Variants in UST observed in about 807,000 individuals in gnomAD.
UST encodes the protein uronyl 2-sulfotransferase.
In UST, 21 loss-of-function variants were observed where a neutral mutation model predicts 45.6. That is an observed-to-expected ratio of 0.46 (90% confidence interval 0.33 to 0.66). The LOEUF (loss-of-function observed/expected upper bound fraction) is 0.66, where lower values mean the gene tolerates loss of function less well. UST is among the 30% of genes least tolerant of loss of function. The pLI, the probability that UST is intolerant of heterozygous loss-of-function variation, is 0.02. For missense variants in UST, 463 were observed against 512.4 expected, an observed-to-expected ratio of 0.90 and a Z score of 0.93; for synonymous variants, 215 against 200.6, an observed-to-expected ratio of 1.07 and a Z score of -0.61.
At chr6:149,045,033 CA>C (rs1776378576) in intron 7 of UST, among the ~76,000 whole-genome samples, 1 of 152,118 alleles carries the variant, frequency 6.6e-6, no homozygotes, top group Non-Finnish European at 1.5e-5. Context: ...TGATAAGTAC[CA>C]TTTTTTTTAT....
intron 1 of UST, among the ~76,000 whole-genome samples, chr6:148,860,728 G>A (rs574906126): frequency 1.3e-3 from 197 of 152,246 alleles, no homozygotes; most frequent in African/African-American, 4.5e-3. Flanking sequence ...TTTGTCGAAG[G>A]CCTTTTCTGC....
chr6:148,869,185 G>A (rs1447461642), intron 1 of UST, among the ~76,000 whole-genome samples: 1 of 152,172 alleles, frequency 6.6e-6, no homozygotes, highest in South Asian at 2.1e-4. Flanking sequence ...GCACCTATTT[G>A]TTTGGCTTTG....
intron 7 of UST, among the ~76,000 whole-genome samples, chr6:149,054,734 T>G (rs539525081): frequency 3.9e-4 from 60 of 152,168 alleles, no homozygotes; most frequent in Admixed American, 8.5e-4. Flanking sequence ...TTTACATTGT[T>G]CAGTGGGTCA....
chr6:149,007,055 G>T (rs1363393299), intron 5 of UST, among the ~76,000 whole-genome samples: 1 of 150,928 alleles, frequency 6.6e-6, no homozygotes, highest in Non-Finnish European at 1.5e-5. Context: ...CTAACTTCAT[G>T]CATTCAACTA....
chr6:148,959,847 C>CG (rs758168047), intron 4 of UST, among the ~76,000 whole-genome samples: 1 of 151,302 alleles, frequency 6.6e-6, no homozygotes, highest in Non-Finnish European at 1.5e-5. Context: ...GGATGGTGGG[C>CG]GGAGGGGAGT....
chr6:148,886,108 C>T (rs983171782), intron 1 of UST, among the ~76,000 whole-genome samples: 2 of 152,284 alleles, frequency 1.3e-5, no homozygotes, highest in African/African-American at 2.4e-5. Context: ...CACACAGAAG[C>T]CTGAGATGGC....
chr6:148,797,871 G>C (rs1186724575), intron 1 of UST, among the ~76,000 whole-genome samples: 1 of 152,146 alleles, frequency 6.6e-6, no homozygotes, highest in African/African-American at 2.4e-5. Context: ...GTGCTAGGAG[G>C]GTAGGAGTGG....
At chr6:148,921,429 G>A (rs889673075) in intron 2 of UST, among the ~76,000 whole-genome samples, 6 of 152,194 alleles carry the variant, frequency 3.9e-5, no homozygotes, top group Admixed American at 1.3e-4. Flanking sequence ...GTGATTTTGT[G>A]TGTTGTATAG....
chr6:148,949,253 T>G (rs1255708142), intron 3 of UST, among the ~76,000 whole-genome samples: 1 of 151,112 alleles, frequency 6.6e-6, no homozygotes, highest in African/African-American at 2.4e-5. Flanking sequence ...ATTGCGCCAC[T>G]GCACTCCAGC....
chr6:148,872,344 G>A (rs1006775922), intron 1 of UST, among the ~76,000 whole-genome samples: 1 of 152,146 alleles, frequency 6.6e-6, no homozygotes, highest in Non-Finnish European at 1.5e-5. Flanking sequence ...ATATTTTTAT[G>A]TAATTATTCA....
intron 1 of UST, among the ~76,000 whole-genome samples, chr6:148,884,646 A>G (rs1160729405): frequency 6.6e-6 from 1 of 150,956 alleles, no homozygotes; most frequent in Admixed American, 6.7e-5. Context: ...CGAGGAGCTG[A>G]CTCTTTTGTG....
chr6:148,989,067 A>G (rs1424558520), intron 5 of UST, among the ~76,000 whole-genome samples: 2 of 152,202 alleles, frequency 1.3e-5, no homozygotes. Flanking sequence ...ATGAGATAAT[A>G]GAGGTTCAAA....
intron 3 of UST, among the ~76,000 whole-genome samples, chr6:148,945,264 C>T (rs1012023701): frequency 6.6e-6 from 1 of 152,180 alleles, no homozygotes; most frequent in African/African-American, 2.4e-5. Flanking sequence ...CTAAGACAAT[C>T]AGATTGTAAC....
chr6:148,795,333 C>T (rs1485170816), intron 1 of UST, among the ~76,000 whole-genome samples: 2 of 152,106 alleles, frequency 1.3e-5, no homozygotes, highest in South Asian at 2.1e-4. Context: ...AGTGCCCTGA[C>T]GGTGAGAGGC....
At chr6:148,808,995 G>A (rs912367893) in intron 1 of UST, among the ~76,000 whole-genome samples, 4 of 152,206 alleles carry the variant, frequency 2.6e-5, no homozygotes, top group African/African-American at 9.6e-5. Flanking sequence ...AAGCCACCCG[G>A]TCTATGGTAT....
At chr6:148,793,198 A>G (rs76351808) in intron 1 of UST, among the ~76,000 whole-genome samples, 2,837 of 152,224 alleles carry the variant, frequency 0.019, 108 homozygotes, top group African/African-American at 0.065. Flanking sequence ...CTCTGGGTGA[A>G]GAGATTATGA....
chr6:149,062,857 G>T (rs534007188), intron 7 of UST, among the ~76,000 whole-genome samples: 15 of 152,334 alleles, frequency 9.8e-5, no homozygotes, highest in African/African-American at 3.4e-4. Context: ...AGGTAGTGAG[G>T]GGCGATGTGA....
intron 1 of UST, among the ~76,000 whole-genome samples, chr6:148,825,743 C>T (rs918947455): frequency 6.6e-6 from 1 of 152,140 alleles, no homozygotes; most frequent in South Asian, 2.1e-4. Flanking sequence ...GAGTTCTCAG[C>T]CTAATAGATG....
intron 1 of UST, among the ~76,000 whole-genome samples, chr6:148,865,531 A>G (rs1050124207): frequency 6.8e-6 from 1 of 146,792 alleles, no homozygotes; most frequent in African/African-American, 2.4e-5. Context: ...ATGTTTTAAA[A>G]AGAGAGAGAG....
Sources: gnomAD v4.1 joint callset for allele counts (sites outside exome capture counted in the v4.1 genomes callset) on GRCh38, gnomAD v4.1.1 for gene constraint, MANE v1.5 for transcripts, NCBI Gene and HGNC (gene_info 2026-07-23, HGNC 2026-07-21) for gene names.